The following DLGAP2 variants were observed in gnomAD, a reference collection of about 807,000 sequenced individuals.
The protein encoded by DLGAP2 is disks large-associated protein 2.
A neutral mutation model predicts 100.3 loss-of-function variants in DLGAP2; 26 were observed. That is an observed-to-expected ratio of 0.26 (90% CI 0.19 to 0.36). DLGAP2 has a LOEUF of 0.36. Among genes scored for constraint, DLGAP2 ranks in the 10% least tolerant of loss-of-function variants. The pLI is 1.00. For missense variants in DLGAP2, 1,858 were observed against 1,453.2 expected (o/e 1.28, Z -4.53); for synonymous variants, 886 against 630.1 (o/e 1.41, Z -6.08).
chr8:1,407,947 T>G (rs10088569), intron 3 of DLGAP2, among the ~76,000 whole-genome samples: 51,170 of 150,800 alleles, frequency 0.34, 9,249 homozygotes, highest in East Asian at 0.65. Flanking sequence ...GCTTCCAGCA[T>G]TTCCTTGTTG....
chr8:941,447 C>A (rs1799193492), intron 2 of DLGAP2, among the ~76,000 whole-genome samples: 1 of 151,232 alleles, frequency 6.6e-6, no homozygotes, highest in South Asian at 2.1e-4. Context: ...GCACATCAGG[C>A]TGGAAACCCG....
intron 3 of DLGAP2, among the ~76,000 whole-genome samples, chr8:1,352,051 A>AGC (rs1801743029): frequency 1.8e-5 from 1 of 56,110 alleles, no homozygotes; most frequent in Non-Finnish European, 3.7e-5. Context: ...GCGGGTCCTG[A>AGC]GTGTGTGTGG....
At chr8:1,436,050 G>T (rs946240895) in intron 3 of DLGAP2, among the ~76,000 whole-genome samples, 2 of 152,152 alleles carry the variant, frequency 1.3e-5, no homozygotes, top group African/African-American at 4.8e-5. Context: ...GTGTGTATGA[G>T]TCTGGGTTCT....
chr8:1,441,620 G>A (rs945166094), intron 3 of DLGAP2, among the ~76,000 whole-genome samples: 6 of 149,342 alleles, frequency 4.0e-5, no homozygotes, highest in Middle Eastern at 3.4e-3. Flanking sequence ...CCCAGGAGGC[G>A]GAGGTTGCAG....
intron 3 of DLGAP2, among the ~76,000 whole-genome samples, chr8:1,380,486 T>C (rs1029576116): frequency 1.3e-5 from 2 of 152,216 alleles, no homozygotes; most frequent in African/African-American, 4.8e-5. Flanking sequence ...TTGCCAGAGA[T>C]GCTCAGCTGC....
intron 2 of DLGAP2, among the ~76,000 whole-genome samples, chr8:1,192,143 G>A (rs901343160): frequency 6.6e-6 from 1 of 152,152 alleles, no homozygotes; most frequent in Non-Finnish European, 1.5e-5. Context: ...GAAACTGGCT[G>A]CCGTGATGGG....
intron 4 of DLGAP2, among the ~76,000 whole-genome samples, chr8:1,545,613 G>A (rs187198598): frequency 4.0e-4 from 61 of 152,300 alleles, no homozygotes; most frequent in Non-Finnish European, 7.6e-4. Flanking sequence ...TAAAAAACCC[G>A]GAGACCTAGC....
At chr8:782,156 A>G (rs767375518) in intron 1 of DLGAP2, among the ~76,000 whole-genome samples, 1 of 152,156 alleles carries the variant, frequency 6.6e-6, no homozygotes, top group Non-Finnish European at 1.5e-5. Context: ...GAATGTAACA[A>G]ATTATTGTGT....
chr8:1,467,044 C>T (rs965062949), intron 3 of DLGAP2, among the ~76,000 whole-genome samples: 4 of 143,752 alleles, frequency 2.8e-5, no homozygotes, highest in South Asian at 2.1e-4. Flanking sequence ...GGGATTTTGC[C>T]GGGTGATAAA....
At chr8:1,302,182 T>G (rs112044142) in intron 3 of DLGAP2, 1 of 135,704 alleles carries the variant, frequency 7.4e-6, no homozygotes, top group Non-Finnish European at 1.6e-5. Flanking sequence ...CTCTGCTCCA[T>G]ACCTGGGACC....
At chr8:965,318 CTGCGCT>C (rs1799829098) in intron 2 of DLGAP2, among the ~76,000 whole-genome samples, 3 of 108,138 alleles carry the variant, frequency 2.8e-5, no homozygotes, top group Admixed American at 1.0e-4. Context: ...AGTCTGACCC[CTGCGCT>C]GCACACGGCA....
chr8:1,260,308 C>A (rs1799320126), intron 3 of DLGAP2, among the ~76,000 whole-genome samples: 1 of 151,976 alleles, frequency 6.6e-6, no homozygotes, highest in South Asian at 2.1e-4. Context: ...TCCCCCAACC[C>A]CTCACCGAGA....
At chr8:1,491,230 A>T (rs557204371) in intron 3 of DLGAP2, among the ~76,000 whole-genome samples, 1 of 152,104 alleles carries the variant, frequency 6.6e-6, no homozygotes, top group South Asian at 2.1e-4. Flanking sequence ...GTTTCTCTGA[A>T]ATTCACATGT....
At chr8:831,979 T>A in intron 1 of DLGAP2, among the ~76,000 whole-genome samples, 1 of 152,254 alleles carries the variant, frequency 6.6e-6, no homozygotes, top group East Asian at 1.9e-4. Context: ...TGAGCTTTTT[T>A]TCATATGTTT....
At chr8:817,212 T>G (rs1221785802) in intron 1 of DLGAP2, among the ~76,000 whole-genome samples, 1 of 152,188 alleles carries the variant, frequency 6.6e-6, no homozygotes, top group African/African-American at 2.4e-5. Context: ...GAAAGCCTTG[T>G]CTTAAGCTCT....
At chr8:803,861 G>C (rs2132660205) in intron 1 of DLGAP2, among the ~76,000 whole-genome samples, 1 of 152,304 alleles carries the variant, frequency 6.6e-6, no homozygotes, top group South Asian at 2.1e-4. Context: ...TTAACATTTT[G>C]CTAGCACCAG....
chr8:846,264 A>G (rs150217924), intron 1 of DLGAP2, among the ~76,000 whole-genome samples: 7 of 152,274 alleles, frequency 4.6e-5, no homozygotes, highest in Admixed American at 3.3e-4. Context: ...GCTTTGTGCT[A>G]TTGACCTTCC....
intron 1 of DLGAP2, among the ~76,000 whole-genome samples, chr8:795,063 A>G (rs1406279392): frequency 1.3e-5 from 2 of 152,192 alleles, no homozygotes; most frequent in African/African-American, 2.4e-5. Context: ...CATACGGACC[A>G]CAGAACACTG....
chr8:1,360,861 A>G (rs1801967777), intron 3 of DLGAP2, among the ~76,000 whole-genome samples: 2 of 152,222 alleles, frequency 1.3e-5, no homozygotes, highest in South Asian at 4.1e-4. Flanking sequence ...GGTGAGATCC[A>G]GACAGAGACC....
Sources: gnomAD v4.1 joint callset for allele counts (sites outside exome capture counted in the v4.1 genomes callset) on GRCh38, gnomAD v4.1.1 for gene constraint, MANE v1.5 for transcripts, NCBI Gene and HGNC (gene_info 2026-07-23, HGNC 2026-07-21) for gene names.